Variants in SIN3A observed in about 807,000 individuals in gnomAD.
The protein encoded by SIN3A is SIN3 transcription regulator family member A.
Under a neutral mutation model 146.1 loss-of-function variants are expected in SIN3A, and 14 were observed. The observed-to-expected ratio is 0.10, with a 90% CI of 0.06 to 0.15. SIN3A has a LOEUF of 0.15. SIN3A is among the 10% of genes least tolerant of loss of function. SIN3A has a pLI of 1.00. For missense variants in SIN3A, 1,028 were observed against 1,576.0 expected, an observed-to-expected ratio of 0.65 and a Z score of 5.89; for synonymous variants, 572 against 572.0, an observed-to-expected ratio of 1.00 and a Z score of 0.00.
At chr15:75,400,528 A>C (rs2073392148) in intron 11 of SIN3A, among the ~76,000 whole-genome samples, 1 of 152,212 alleles carries the variant, frequency 6.6e-6, no homozygotes, top group African/African-American at 2.4e-5. Context: ...AGCCGTGATC[A>C]CATCACTGCA....
intron 1 of SIN3A, chr15:75,446,260 G>A (rs1171418918): frequency 6.6e-6 from 1 of 151,492 alleles, no homozygotes; most frequent in South Asian, 2.1e-4. Flanking sequence ...AGTAAAGGAA[G>A]TGAGGGAGCT....
chr15:75,421,535 G>A (rs1175174626), intron 3 of SIN3A: 1 of 152,128 alleles, frequency 6.6e-6, no homozygotes, highest in Non-Finnish European at 1.5e-5. Context: ...AAGTTCCCAA[G>A]AATCCACACC....
At chr15:75,376,215 T>A in intron 19 of SIN3A, 1 of 298,790 alleles carries the variant, frequency 3.3e-6, no homozygotes, top group Non-Finnish European at 6.3e-6. Flanking sequence ...AGGATCATAC[T>A]ATATATTTTG....
At chr15:75,403,946 G>C (rs1483066292) in intron 9 of SIN3A, among the ~76,000 whole-genome samples, 1 of 152,182 alleles carries the variant, frequency 6.6e-6, no homozygotes, top group African/African-American at 2.4e-5. Flanking sequence ...TCTGTCCTCT[G>C]ATCTGGTCTT....
intron 15 of SIN3A, among the ~76,000 whole-genome samples, chr15:75,391,668 C>G (rs2073204649): frequency 6.6e-6 from 1 of 152,178 alleles, no homozygotes; most frequent in African/African-American, 2.4e-5. Flanking sequence ...CACATGACAG[C>G]GTCCTGAACC....
rs772136970 is a variant in SIN3A at position 75,422,814 on chromosome 15, T to C, written c.199A>G (p.Met67Val). The C allele has an allele frequency of 3.7e-6, 6 of 1,612,876 alleles. No individual in the cohort carries two copies. The highest frequency in any genetic ancestry group is 5.1e-6 in the Non-Finnish European group (6 of 1,178,920). Residue 67 changes from methionine to valine, a missense_variant, in exon 3 of 21, where the codon ATG becomes GTG. Around this residue, in one of 9 missense-constraint regions of SIN3A, gnomAD observed 152 missense variants for 231.5 expected, o/e 0.66. Coordinates refer to ENST00000394947, the MANE Select transcript of SIN3A (RefSeq NM_001145358.2). Reference sequence around the variant, plus strand: ...CCATGACTGCCGGAGCTCTGTGGCATGGCTGAAACCTGGGGTGAACAAAAT... The same window carrying C: ...CCATGACTGCCGGAGCTCTGTGGCACGGCTGAAACCTGGGGTGAACAAAAT... The part of the protein sequence containing the change: ...SVTPSYQVSA[M>V]PQSSGSHGPA...
At chr15:75,454,808 T>G (rs2074465352), upstream of SIN3A, 1 of 151,590 alleles carries the variant, frequency 6.6e-6, no homozygotes, top group Non-Finnish European at 1.5e-5. Flanking sequence ...CGCCTTGGGG[T>G]GGGCGGGGAA....
intron 15 of SIN3A, among the ~76,000 whole-genome samples, chr15:75,390,723 T>C (rs555365731): frequency 6.6e-6 from 1 of 152,330 alleles, no homozygotes; most frequent in Admixed American, 6.5e-5. Context: ...TATACTTTTC[T>C]ATATATACAT....
chr15:75,376,573 C>G lies in SIN3A; in HGVS notation c.3384-701G>C, dbSNP rs527936028. ...TTCTCATAACTTGCTATTAAAAACA[C>G]TGCTTCAGGTTGGCCACTGTGGCTC... On this transcript the variant is annotated intron_variant, in intron 19 of 20. Coordinates refer to ENST00000394947, the MANE Select transcript of SIN3A (RefSeq NM_001145358.2). 2.0e-5 allele frequency among the ~76,000 whole-genome samples: 3 copies of G among 152,194 alleles called. No homozygotes were observed. In the East Asian group the frequency reaches 5.8e-4, roughly 29 times the overall value.
intron 8 of SIN3A, 115 bp downstream of exon 8, chr15:75,409,721 G>A (rs749498314): frequency 1.9e-4 from 219 of 1,144,288 alleles, no homozygotes; most frequent in Non-Finnish European, 2.4e-4. Flanking sequence ...AGCGAGACTC[G>A]GTCTCAAAAA....
chr15:75,447,077 A>G (rs1431716361), intron 1 of SIN3A, among the ~76,000 whole-genome samples: 1 of 152,198 alleles, frequency 6.6e-6, no homozygotes, highest in Non-Finnish European at 1.5e-5. Context: ...CATTACAGAC[A>G]TATCTAAATA....
chr15:75,437,274 G>A (rs2074124217), intron 1 of SIN3A, among the ~76,000 whole-genome samples: 1 of 151,706 alleles, frequency 6.6e-6, no homozygotes, highest in South Asian at 2.1e-4. Flanking sequence ...CTGGGCTCAA[G>A]TAATCCTCCC....
In SIN3A at chr15:75,400,954, C is replaced by A. The variant is rs1175678149; in HGVS notation, c.1527-14G>T. 6.3e-7 allele frequency: 1 copy of A among 1,595,618 alleles called. No individual in the cohort carries two copies. Among genetic ancestry groups the A allele is most frequent in the Admixed American group, 1.7e-5 (1 of 59,800 alleles). ...TCAGGGAATTTCCTGAAGAATCAAA[C>A]CAAAAAGTGACAAGCAATTAGGGGC... On this transcript the variant is annotated splice_polypyrimidine_tract_variant and intron_variant, in intron 10 of 20. Transcript: ENST00000394947.
intron 3 of SIN3A, among the ~76,000 whole-genome samples, chr15:75,418,266 G>A (rs1187387304): frequency 2.7e-5 from 4 of 150,834 alleles, no homozygotes; most frequent in Admixed American, 6.6e-5. Flanking sequence ...TCCTGACCTC[G>A]TGATCCGCCC....
In SIN3A at chr15:75,436,090, C is replaced by T. The variant is rs1244819417; in HGVS notation, c.-33-5682G>A. Among the ~76,000 whole-genome samples, 4 of 151,230 alleles carry T rather than the reference C, an allele frequency of 2.6e-5. 1 individual carries two copies. The highest frequency in any genetic ancestry group is 4.4e-5 in the Non-Finnish European group (3 of 67,882). On this transcript the variant is annotated intron_variant, in intron 1 of 20. Coordinates refer to ENST00000394947, the MANE Select transcript of SIN3A (RefSeq NM_001145358.2). Reference sequence around the variant, plus strand: ...GCAAGGTTGTAGTGAGCAGTGATAACGTCACTGCACTCCGGCCTGGGCAAC... The same window carrying T: ...GCAAGGTTGTAGTGAGCAGTGATAATGTCACTGCACTCCGGCCTGGGCAAC...
At chr15:75,443,039 A>C (rs772078322) in intron 1 of SIN3A, among the ~76,000 whole-genome samples, 4 of 151,850 alleles carry the variant, frequency 2.6e-5, no homozygotes, top group Non-Finnish European at 5.9e-5. Flanking sequence ...CCTGGTTTTG[A>C]AGTACTGGGC....
At chr15:75,413,304 A>G (rs191844216) in intron 4 of SIN3A, among the ~76,000 whole-genome samples, 165 of 151,386 alleles carry the variant, frequency 1.1e-3, no homozygotes, top group African/African-American at 4.0e-3. Flanking sequence ...TATTTTTAGG[A>G]CAGGTGGGGT....
At chr15:75,427,477 C>T (rs1168195262) in intron 2 of SIN3A, among the ~76,000 whole-genome samples, 1 of 151,950 alleles carries the variant, frequency 6.6e-6, no homozygotes, top group East Asian at 1.9e-4. Flanking sequence ...CTGGCCAGCA[C>T]AGCGAAACCC....
At chr15:75,439,876 T>C (rs994860044) in intron 1 of SIN3A, among the ~76,000 whole-genome samples, 17 of 151,734 alleles carry the variant, frequency 1.1e-4, no homozygotes, top group African/African-American at 4.1e-4. Context: ...TAACGCCAAG[T>C]GTGGTGGCTC....
Sources: allele counts gnomAD v4.1 joint callset (sites outside exome capture counted in the v4.1 genomes callset), GRCh38; gene constraint gnomAD v4.1.1; regional missense constraint gnomAD v4.1.1; transcripts MANE v1.5; gene names NCBI Gene and HGNC (gene_info 2026-07-23, HGNC 2026-07-21).